Variants in NXN observed in about 807,000 individuals in gnomAD.
NXN encodes nucleoredoxin, also known as nucleoredoxin 1.
In NXN, 16 loss-of-function variants were observed where a neutral mutation model predicts 48.6. That is an observed-to-expected ratio of 0.33 (90% CI 0.22 to 0.50). NXN has a LOEUF of 0.50. NXN is among the 20% of genes least tolerant of loss of function. The pLI is 0.98. For missense variants in NXN, 492 were observed against 605.5 expected, an observed-to-expected ratio of 0.81 and a Z score of 1.97; for synonymous variants, 281 against 269.6, an observed-to-expected ratio of 1.04 and a Z score of -0.41.
In NXN at chr17:822,371, G is replaced by A. The variant is rs775128078; in HGVS notation, c.699C>T (p.Phe233=). 1.6e-5 allele frequency: 26 copies of A among 1,613,650 alleles called. No individual in the cohort carries two copies. Among genetic ancestry groups the A allele is most frequent in the South Asian group, 1.4e-4 (13 of 91,066 alleles). ...KEAGQNFEII[F]VSADRSEESF... is the part of the protein sequence containing the mutation. ...GCACGACTGACCTGTCTGCACTAACGAAGATGATCTCGAAGTTCTGGCCTG... is the reference window on the plus strand; with the variant it reads ...GCACGACTGACCTGTCTGCACTAACAAAGATGATCTCGAAGTTCTGGCCTG... The change falls in exon 4 of 8, where the codon TTC becomes TTT. Residue 233 remains phenylalanine (F), a synonymous_variant. Coordinates refer to ENST00000336868, the MANE Select transcript of NXN (RefSeq NM_022463.5).
intron 1 of NXN, among the ~76,000 whole-genome samples, chr17:963,209 G>A (rs534448235): frequency 6.4e-5 from 9 of 140,346 alleles, no homozygotes; most frequent in East Asian, 3.5e-4. Flanking sequence ...ATAGGTACTG[G>A]GACGGACACA....
chr17:813,691 G>A (rs933614833), intron 5 of NXN, among the ~76,000 whole-genome samples: 6 of 152,126 alleles, frequency 3.9e-5, no homozygotes, highest in Admixed American at 6.6e-5. Context: ...ACGGCCGGCC[G>A]GGCGCGGTGG....
chr17:910,089 AC>A (rs1201343473), intron 1 of NXN, among the ~76,000 whole-genome samples: 1 of 152,076 alleles, frequency 6.6e-6, no homozygotes, highest in African/African-American at 2.4e-5. Context: ...AACATCCTAC[AC>A]CTCCTAAATC....
chr17:881,870 G>A (rs1258906616), intron 1 of NXN, among the ~76,000 whole-genome samples: 1 of 152,112 alleles, frequency 6.6e-6, no homozygotes, highest in Non-Finnish European at 1.5e-5. Flanking sequence ...AACACTGACT[G>A]TACGATTCCA....
intron 1 of NXN, among the ~76,000 whole-genome samples, chr17:918,162 C>T (rs753313029): frequency 1.7e-4 from 26 of 152,196 alleles, no homozygotes; most frequent in Non-Finnish European, 3.1e-4. Flanking sequence ...TCACCTCCCC[C>T]AAAACAACAC....
intron 1 of NXN, among the ~76,000 whole-genome samples, chr17:839,042 C>T (rs1364095547): frequency 6.6e-6 from 1 of 152,194 alleles, no homozygotes; most frequent in African/African-American, 2.4e-5. Context: ...GTGTCACTTT[C>T]CTCATGAGTA....
At chr17:852,025 C>G (rs1307234102) in intron 1 of NXN, among the ~76,000 whole-genome samples, 1 of 152,184 alleles carries the variant, frequency 6.6e-6, no homozygotes, top group African/African-American at 2.4e-5. Context: ...ATTAGGGGCG[C>G]CAGTCTCAGG....
At chr17:805,475 C>T (rs1281097783) in intron 5 of NXN, among the ~76,000 whole-genome samples, 1 of 152,172 alleles carries the variant, frequency 6.6e-6, no homozygotes, top group Admixed American at 6.5e-5. Flanking sequence ...TGTAACCTGT[C>T]ACCTTCGCCT....
At chr17:938,920 C>G (rs139339361) in intron 1 of NXN, among the ~76,000 whole-genome samples, 1 of 151,674 alleles carries the variant, frequency 6.6e-6, no homozygotes, top group Non-Finnish European at 1.5e-5. Flanking sequence ...GGTGTGGTGG[C>G]GGGCTCCTGT....
intron 5 of NXN, among the ~76,000 whole-genome samples, chr17:810,062 CCT>C (rs1911854135): frequency 1.4e-5 from 1 of 73,144 alleles, no homozygotes; most frequent in South Asian, 5.2e-4. Context: ...GTTACGAGTC[CCT>C]GTGAGTGGCG....
At chr17:896,925 C>CT in intron 1 of NXN, 2 of 1,251,360 alleles carry the variant, frequency 1.6e-6, no homozygotes, top group Non-Finnish European at 2.1e-6. Context: ...CAATATTCTT[C>CT]TTTTTTTCCC....
At chr17:808,355 T>A (rs952327943) in intron 5 of NXN, among the ~76,000 whole-genome samples, 5 of 150,262 alleles carry the variant, frequency 3.3e-5, no homozygotes, top group African/African-American at 1.2e-4. Context: ...CAGGCTGGAG[T>A]GCAGTGGCGC....
intron 5 of NXN, chr17:819,236 A>G (rs989384512): frequency 1.7e-6 from 1 of 587,476 alleles, no homozygotes; most frequent in African/African-American, 1.9e-5. Flanking sequence ...GTGAGCTGCC[A>G]TGCCCGGCCT....
intron 1 of NXN, among the ~76,000 whole-genome samples, chr17:877,567 A>G (rs371174772): frequency 1.5e-4 from 23 of 152,264 alleles, no homozygotes; most frequent in African/African-American, 5.1e-4. Context: ...TCTTTCCTTT[A>G]TGGAAGGCCC....
At chr17:853,724 T>TATATATATATATATA (rs61572573) in intron 1 of NXN, among the ~76,000 whole-genome samples, 14 of 70,026 alleles carry the variant, frequency 2.0e-4, no homozygotes, top group Middle Eastern at 0.011. Flanking sequence ...TATATATATA[T>TATATATATATATATA]TTTTTTTTTT....
intron 2 of NXN, among the ~76,000 whole-genome samples, chr17:824,628 T>C (rs1485734205): frequency 4.7e-4 from 72 of 152,180 alleles, no homozygotes; most frequent in Admixed American, 4.7e-3. Context: ...CGCCCAGAGA[T>C]TCTGATTCTA....
intron 1 of NXN, among the ~76,000 whole-genome samples, chr17:833,994 G>C (rs1350300646): frequency 6.6e-6 from 1 of 152,190 alleles, no homozygotes; most frequent in Non-Finnish European, 1.5e-5. Flanking sequence ...GAGCCACCCA[G>C]GACTGAGAGA....
At chr17:968,197 G>A (rs2069329795) in intron 1 of NXN, among the ~76,000 whole-genome samples, 1 of 152,136 alleles carries the variant, frequency 6.6e-6, no homozygotes, top group Non-Finnish European at 1.5e-5. Flanking sequence ...GTTGATGACT[G>A]TTGAATGTGG....
chr17:931,665 T>A (rs2068855130), intron 1 of NXN, among the ~76,000 whole-genome samples: 1 of 147,120 alleles, frequency 6.8e-6, no homozygotes, highest in South Asian at 2.2e-4. Flanking sequence ...TGAAACCCTG[T>A]CTCTGCTAAA....
Sources: allele counts gnomAD v4.1 joint callset (sites outside exome capture counted in the v4.1 genomes callset), GRCh38; gene constraint gnomAD v4.1.1; transcripts MANE v1.5; gene names NCBI Gene and HGNC (gene_info 2026-07-23, HGNC 2026-07-21).